CADM2: variants seen among roughly 807,000 people sequenced by gnomAD.
CADM2 encodes the protein immunoglobulin superfamily member 4D.
In CADM2, 12 loss-of-function variants were observed where a neutral mutation model predicts 49.8. That is an observed-to-expected ratio of 0.24 (90% CI 0.15 to 0.39). CADM2 has a LOEUF of 0.39. Among genes scored for constraint, CADM2 ranks in the 10% least tolerant of loss-of-function variants. CADM2 has a pLI of 1.00. For missense variants in CADM2, 378 were observed against 492.3 expected (o/e 0.77, Z 2.20); for synonymous variants, 214 against 175.4 (o/e 1.22, Z -1.74).
At chr3:85,494,374 C>T (rs534281407) in intron 1 of CADM2, among the ~76,000 whole-genome samples, 35 of 152,178 alleles carry the variant, frequency 2.3e-4, no homozygotes, top group Non-Finnish European at 3.8e-4. Flanking sequence ...TAAGTTTATA[C>T]GAAAACTATT....
chr3:85,196,541 G>A (rs1308486031), intron 1 of CADM2, among the ~76,000 whole-genome samples: 1 of 151,890 alleles, frequency 6.6e-6, no homozygotes, highest in Admixed American at 6.6e-5. Flanking sequence ...ACATGGAAAA[G>A]TTATAAAGAG....
At chr3:86,035,236 A>G (rs1156947983) in intron 8 of CADM2, among the ~76,000 whole-genome samples, 1 of 152,036 alleles carries the variant, frequency 6.6e-6, no homozygotes, top group Non-Finnish European at 1.5e-5. Context: ...CTTGAACCTG[A>G]GACTTTTCAC....
intron 1 of CADM2, among the ~76,000 whole-genome samples, chr3:85,380,098 T>C (rs1342067105): frequency 1.3e-5 from 2 of 152,060 alleles, no homozygotes; most frequent in Non-Finnish European, 2.9e-5. Context: ...ATAAATCATC[T>C]TGGTTATCGC....
At chr3:84,962,395 T>C (rs1271308317) in intron 1 of CADM2, among the ~76,000 whole-genome samples, 1 of 141,706 alleles carries the variant, frequency 7.1e-6, no homozygotes, top group South Asian at 2.4e-4. Context: ...CATAGTTTGT[T>C]GATATTGTCA....
At chr3:85,117,091 C>G (rs2038665708) in intron 1 of CADM2, among the ~76,000 whole-genome samples, 1 of 152,016 alleles carries the variant, frequency 6.6e-6, no homozygotes, top group Non-Finnish European at 1.5e-5. Context: ...TATGGTGGCA[C>G]ACGCCTGTAA....
Position 85,576,545 on chromosome 3 carries a change from C to T in CADM2, c.62-149977C>T, listed in dbSNP as rs1168594853. Reference sequence around the variant, plus strand: ...TTACACACACATATGGAGGCACAAACATACTCATACACAAATATTAGTATA... The same window carrying T: ...TTACACACACATATGGAGGCACAAATATACTCATACACAAATATTAGTATA... On this transcript the variant is annotated intron_variant, in intron 1 of 9. Transcript: ENST00000383699. Among the ~76,000 whole-genome samples the T allele has an allele frequency of 6.6e-5, 10 of 152,306 alleles. No individual in the cohort carries two copies. The South Asian group carries it at 2.1e-3, about 32-fold the overall frequency.
chr3:85,208,888 G>T (rs2041712891), intron 1 of CADM2, among the ~76,000 whole-genome samples: 1 of 152,030 alleles, frequency 6.6e-6, no homozygotes, highest in African/African-American at 2.4e-5. Context: ...GATAAGAAAT[G>T]ATGTTCCCAA....
intron 1 of CADM2, among the ~76,000 whole-genome samples, chr3:85,238,765 A>G (rs920385849): frequency 6.6e-6 from 1 of 151,934 alleles, no homozygotes; most frequent in African/African-American, 2.4e-5. Flanking sequence ...AATCTTAGTT[A>G]TGTAAAATCC....
intron 3 of CADM2, among the ~76,000 whole-genome samples, chr3:85,835,173 T>A (rs900284457): frequency 4.0e-5 from 6 of 151,612 alleles, no homozygotes; most frequent in Non-Finnish European, 8.9e-5. Context: ...AGCTCTGGTA[T>A]TTTTGCTAGG....
At chr3:86,043,060 G>C (rs1381391855) in intron 8 of CADM2, among the ~76,000 whole-genome samples, 1 of 152,134 alleles carries the variant, frequency 6.6e-6, no homozygotes, top group African/African-American at 2.4e-5. Flanking sequence ...CAATAAATTA[G>C]GTATTGATGG....
rs1287846044 is a variant in CADM2, at chr3:85,001,010, A to T, written c.61+41342A>T. Among the ~76,000 whole-genome samples, 7 of 152,142 alleles carry T rather than the reference A, an allele frequency of 4.6e-5. No individual in the cohort carries two copies. In the South Asian group the frequency reaches 1.2e-3, roughly 27 times the overall value. On this transcript the variant is annotated intron_variant, in intron 1 of 9. Transcript: ENST00000383699. The stretch of plus-strand genomic sequence containing the variant: ...CTCTTTACCTTCCACCTGTTACACA[A>T]AATGAGAAACATTGTGGATATTCTT...
At chr3:85,228,804 G>C (rs2042218479) in intron 1 of CADM2, among the ~76,000 whole-genome samples, 1 of 152,104 alleles carries the variant, frequency 6.6e-6, no homozygotes, top group African/African-American at 2.4e-5. Context: ...AGGGGTCAGG[G>C]ACCCACTTGA....
chr3:85,291,332 G>T (rs369946070), intron 1 of CADM2, among the ~76,000 whole-genome samples: 1 of 151,568 alleles, frequency 6.6e-6, no homozygotes, highest in African/African-American at 2.4e-5. Flanking sequence ...TGAAAGTGAC[G>T]GGGAGAATGG....
chr3:85,445,716 A>T (rs1033389916), intron 1 of CADM2, among the ~76,000 whole-genome samples: 1 of 152,084 alleles, frequency 6.6e-6, no homozygotes, highest in Non-Finnish European at 1.5e-5. Context: ...AGAAATAAAG[A>T]GATGATTACT....
At chr3:85,874,869 GTTAA>G (rs1451350825) in intron 3 of CADM2, among the ~76,000 whole-genome samples, 8 of 152,058 alleles carry the variant, frequency 5.3e-5, no homozygotes, top group Admixed American at 2.0e-4. Flanking sequence ...GAATTTTGTA[GTTAA>G]TTAATTTTGA....
At chr3:85,586,720 G>T (rs953591471) in intron 1 of CADM2, among the ~76,000 whole-genome samples, 1 of 152,000 alleles carries the variant, frequency 6.6e-6, no homozygotes, top group African/African-American at 2.4e-5. Flanking sequence ...CAGCTATATG[G>T]CTCAATTTGA....
intron 1 of CADM2, among the ~76,000 whole-genome samples, chr3:85,432,079 A>G (rs79128136): frequency 2.0e-5 from 3 of 148,024 alleles, no homozygotes; most frequent in Admixed American, 6.8e-5. Flanking sequence ...AAGACATTGG[A>G]AAAAAAAACA....
intron 5 of CADM2, among the ~76,000 whole-genome samples, chr3:85,890,202 G>A (rs1714237360): frequency 6.6e-6 from 1 of 151,992 alleles, no homozygotes; most frequent in Admixed American, 6.6e-5. Context: ...AGGAAAAAAA[G>A]GGGTTTAGGG....
intron 1 of CADM2, among the ~76,000 whole-genome samples, chr3:85,514,696 A>C (rs6804845): frequency 0.52 from 78,263 of 151,920 alleles, 23,153 homozygotes; most frequent in East Asian, 0.85. Flanking sequence ...GTCTCTCATG[A>C]GTTGCTCCTT....
Sources: allele counts gnomAD v4.1 joint callset (sites outside exome capture counted in the v4.1 genomes callset), GRCh38; gene constraint gnomAD v4.1.1; transcripts MANE v1.5; gene names NCBI Gene and HGNC (gene_info 2026-07-23, HGNC 2026-07-21).